COL28A1: variants seen among roughly 807,000 people sequenced by gnomAD.
COL28A1 encodes the protein collagen alpha-1(XXVIII) chain.
A neutral mutation model predicts 150.2 loss-of-function variants in COL28A1; 161 were observed. The observed-to-expected ratio is 1.07, with a 90% CI of 0.94 to 1.22. The LOEUF is 1.22. Ranked by LOEUF, COL28A1 falls within the 50% of genes most tolerant of loss-of-function variation. The pLI is 0.00. For missense variants in COL28A1, 1,617 were observed against 1,388.3 expected, an observed-to-expected ratio of 1.16 and a Z score of -2.62; for synonymous variants, 552 against 469.7, an observed-to-expected ratio of 1.18 and a Z score of -2.26.
intron 25 of COL28A1, among the ~76,000 whole-genome samples, chr7:7,427,369 C>G (rs142669001): frequency 6.6e-6 from 1 of 152,274 alleles, no homozygotes; most frequent in Admixed American, 6.5e-5. Flanking sequence ...AGGGAGGTGG[C>G]TTTCTTCAAG....
intron 1 of COL28A1, among the ~76,000 whole-genome samples, chr7:7,533,618 C>A (rs183583710): frequency 6.6e-6 from 1 of 152,228 alleles, no homozygotes; most frequent in Admixed American, 6.5e-5. Context: ...AACTAATGGA[C>A]AGAAACGGGA....
chr7:7,521,208 T>C (rs910998447), intron 5 of COL28A1, among the ~76,000 whole-genome samples: 4 of 152,228 alleles, frequency 2.6e-5, no homozygotes, highest in Non-Finnish European at 5.9e-5. Context: ...GAATGCTTTA[T>C]GAAGATAAAT....
chr7:7,422,500 G>A (rs903040191), intron 25 of COL28A1, among the ~76,000 whole-genome samples: 4 of 152,018 alleles, frequency 2.6e-5, no homozygotes, highest in Non-Finnish European at 5.9e-5. Flanking sequence ...GTGGCGGCAG[G>A]CACCTGTACT....
intron 11 of COL28A1, among the ~76,000 whole-genome samples, chr7:7,504,589 G>C (rs1286447089): frequency 6.6e-6 from 1 of 152,162 alleles, no homozygotes; most frequent in African/African-American, 2.4e-5. Flanking sequence ...ACAACTGCCA[G>C]CCACGACCTG....
chr7:7,506,163 G>C lies in COL28A1; in HGVS notation c.973-96C>G, dbSNP rs984936776. 9.3e-6 allele frequency: 7 copies of C among 754,436 alleles called. No homozygotes were observed. The African/African-American group carries it at 1.0e-4, about 11-fold the overall frequency. The allele number at this position is 754,436 out of a possible 1,614,324, so 46.7% of individuals were successfully genotyped here. A position where few individuals can be genotyped will look rare whatever the true frequency, so the allele number is the denominator to read the frequency against. ...GTCCCTAGAGATCCTGGCGATCGAA[G>C]TTAGACTGTGTAACTCAGAGCTAAA... On this transcript the variant is annotated intron_variant, in intron 10 of 34. Transcript: ENST00000399429.
intron 21 of COL28A1, among the ~76,000 whole-genome samples, chr7:7,438,961 AAAAC>A (rs1434751997): frequency 6.6e-6 from 1 of 152,302 alleles, no homozygotes; most frequent in African/African-American, 2.4e-5. Flanking sequence ...GACCTTTACC[AAAAC>A]AAACAAACAA....
At chr7:7,402,144 A>G (rs13307616) in intron 27 of COL28A1, among the ~76,000 whole-genome samples, 15,539 of 152,282 alleles carry the variant, frequency 0.1, 971 homozygotes, top group Middle Eastern at 0.22. Flanking sequence ...ATCTACCATC[A>G]ATACAGCTGG....
At chr7:7,493,343 A>G (rs888737793) in intron 11 of COL28A1, among the ~76,000 whole-genome samples, 1 of 152,142 alleles carries the variant, frequency 6.6e-6, no homozygotes, top group African/African-American at 2.4e-5. Context: ...GGTTGGTGAC[A>G]AGAAATTGGT....
rs17167067 is a variant in COL28A1, at chr7:7,378,459, G to A, written c.2322+2201C>T. Among the ~76,000 whole-genome samples, 965 of 152,236 alleles carry A rather than the reference G, an allele frequency of 6.3e-3. 10 individuals carry two copies. Among genetic ancestry groups the A allele is most frequent in the African/African-American group, 0.022 (933 of 41,568 alleles). On this transcript the variant is annotated intron_variant, in intron 30 of 34. Coordinates refer to ENST00000399429, the MANE Select transcript of COL28A1 (RefSeq NM_001037763.3). ...TGCTAACACCGAAGTGACATGTGGA[G>A]AAACAGAGTCTTTTCAAATAATTTT...
chr7:7,500,666 G>C (rs1460397392), intron 11 of COL28A1, among the ~76,000 whole-genome samples: 1 of 152,144 alleles, frequency 6.6e-6, no homozygotes, highest in African/African-American at 2.4e-5. Flanking sequence ...CTTTTTCATA[G>C]AACACTTTGA....
Position 7,453,489 on chromosome 7 carries a change from C to G in COL28A1, c.1391G>C (p.Gly464Ala), listed in dbSNP as rs778076779. Residue 464 changes from glycine to alanine, a missense_variant, in exon 17 of 35, where the codon GGT becomes GCT. Gly to Ala is a moderately conservative substitution (Grantham distance 60). Transcript: ENST00000399429. ...TGCGGGCCCTTGTGGACCAGGTGGA[C>G]CAATAGGACCTTGGATTCCCTTTAA... is the stretch of plus-strand genomic sequence containing the variant. Reference protein sequence around the residue: ...QGEQGIQGPIGPPGPQGPAGQ... With the variant: ...QGEQGIQGPIAPPGPQGPAGQ... The G allele has an allele frequency of 1.7e-6, 2 of 1,201,864 alleles. No homozygotes were observed. Among genetic ancestry groups the G allele is most frequent in the Admixed American group, 3.6e-5 (2 of 56,064 alleles). The allele number at this position is 1,201,864 out of a possible 1,614,324, so 74.4% of individuals were successfully genotyped here.
chr7:7,441,628 C>T (rs753948300), intron 20 of COL28A1, among the ~76,000 whole-genome samples: 2 of 152,030 alleles, frequency 1.3e-5, no homozygotes, highest in East Asian at 3.9e-4. Context: ...ACAGAATCAC[C>T]TGGAGAGCTT....
intron 25 of COL28A1, among the ~76,000 whole-genome samples, chr7:7,432,056 G>A (rs947967584): frequency 1.3e-5 from 2 of 152,190 alleles, no homozygotes; most frequent in Admixed American, 6.5e-5. Flanking sequence ...CCCAAGAGGG[G>A]ATACATGGTA....
chr7:7,454,590 C>CCA (rs1187309972), intron 16 of COL28A1, among the ~76,000 whole-genome samples: 1 of 152,046 alleles, frequency 6.6e-6, no homozygotes, highest in East Asian at 1.9e-4. Context: ...ACAACAACCT[C>CCA]CACCAAGGAA....
At chr7:7,424,869 G>A (rs1041701967) in intron 25 of COL28A1, among the ~76,000 whole-genome samples, 1 of 152,070 alleles carries the variant, frequency 6.6e-6, no homozygotes, top group African/African-American at 2.4e-5. Context: ...CTTAACAAAT[G>A]ATTCAGTGAA....
At position 7,383,286 on chromosome 7, in the gene COL28A1, GTGTTTTT is replaced by G. The variant is rs1419163941; in HGVS notation, c.2137-1681_2137-1675del. ...TGTGTGTGTGTGTGTGTGTGTGTGT[GTGTTTTT>G]TTTGAGACAGAGTCTCACTCTGTCA... On this transcript the variant is annotated intron_variant, in intron 27 of 34. Coordinates refer to ENST00000399429, the MANE Select transcript of COL28A1 (RefSeq NM_001037763.3). 2.9e-3 allele frequency among the ~76,000 whole-genome samples: 308 copies of G among 105,164 alleles called. 1 individual carries two copies. Among genetic ancestry groups the G allele is most frequent in the African/African-American group, 0.015 (293 of 19,432 alleles). 69.0% of individuals were successfully genotyped at this position (105,164 alleles called of 152,430 possible). A position where few individuals can be genotyped will look rare whatever the true frequency, so the allele number is the denominator to read the frequency against.
At chr7:7,416,745 T>C (rs1157065166) in intron 27 of COL28A1, among the ~76,000 whole-genome samples, 1 of 152,206 alleles carries the variant, frequency 6.6e-6, no homozygotes, top group Admixed American at 6.5e-5. Flanking sequence ...AGACATTGTG[T>C]GATAAAACTG....
intron 18 of COL28A1, among the ~76,000 whole-genome samples, chr7:7,447,839 G>A (rs1786380849): frequency 6.6e-6 from 1 of 152,132 alleles, no homozygotes; most frequent in Non-Finnish European, 1.5e-5. Context: ...CAGAGCACCA[G>A]TGAACTGTGA....
At chr7:7,409,456 G>C (rs1025513657) in intron 27 of COL28A1, among the ~76,000 whole-genome samples, 2 of 151,802 alleles carry the variant, frequency 1.3e-5, no homozygotes, top group African/African-American at 4.8e-5. Flanking sequence ...GAAGGAAAAG[G>C]AGAGAAAAAA....
Sources: allele counts gnomAD v4.1 joint callset (sites outside exome capture counted in the v4.1 genomes callset), GRCh38; gene constraint gnomAD v4.1.1; transcripts MANE v1.5; gene names NCBI Gene and HGNC (gene_info 2026-07-23, HGNC 2026-07-21).